DSCAM: variants seen among roughly 807,000 people sequenced by gnomAD.
The protein encoded by DSCAM is cell adhesion molecule DSCAM.
In DSCAM, 47 loss-of-function variants were observed where a neutral mutation model predicts 217.7. That is an observed-to-expected ratio of 0.22 (90% confidence interval 0.17 to 0.28). The LOEUF (loss-of-function observed/expected upper bound fraction) is 0.28, where lower values mean the gene tolerates loss of function less well. Ranked by LOEUF, DSCAM falls within the 10% of genes least tolerant of loss-of-function variation. The probability of loss-of-function intolerance (pLI) is 1.00; values close to 1 mark genes in which losing one functional copy is unlikely to be tolerated. For missense variants in DSCAM, 2,080 were observed against 2,618.3 expected, an observed-to-expected ratio of 0.79 and a Z score of 4.49; for synonymous variants, 1,056 against 1,015.3, an observed-to-expected ratio of 1.04 and a Z score of -0.76.
chr21:40,756,211 A>G (rs1601218809), intron 1 of DSCAM, among the ~76,000 whole-genome samples: 1 of 150,926 alleles, frequency 6.6e-6, no homozygotes, highest in African/African-American at 2.4e-5. Context: ...AGTTTGTGGC[A>G]CCTCCCCCCT....
chr21:40,632,236 T>G (rs1345792120), intron 3 of DSCAM, among the ~76,000 whole-genome samples: 3 of 151,652 alleles, frequency 2.0e-5, no homozygotes, highest in Non-Finnish European at 4.4e-5. Flanking sequence ...CCAAGACAAA[T>G]CCAGCTATTG....
At chr21:40,772,894 C>A (rs1238379448) in intron 1 of DSCAM, among the ~76,000 whole-genome samples, 2 of 152,214 alleles carry the variant, frequency 1.3e-5, no homozygotes, top group Non-Finnish European at 2.9e-5. Context: ...TGGACCCTGT[C>A]CCGGAGAGCT....
intron 2 of DSCAM, among the ~76,000 whole-genome samples, chr21:40,693,925 C>T (rs772643215): frequency 3.3e-5 from 5 of 152,120 alleles, no homozygotes; most frequent in Non-Finnish European, 7.4e-5. Flanking sequence ...CAAGCTCGGC[C>T]ACTCCCTGAC....
At chr21:40,364,709 C>T (rs1301646331) in intron 4 of DSCAM, among the ~76,000 whole-genome samples, 2 of 135,544 alleles carry the variant, frequency 1.5e-5, no homozygotes, top group East Asian at 2.2e-4. Context: ...TATATATATA[C>T]ACACACAGTA....
intron 3 of DSCAM, among the ~76,000 whole-genome samples, chr21:40,432,226 A>G (rs1453360597): frequency 6.8e-6 from 1 of 147,890 alleles, no homozygotes; most frequent in Non-Finnish European, 1.5e-5. Flanking sequence ...AAATATATAA[A>G]TAAATAAATA....
chr21:40,247,005 G>C (rs2073235273), intron 11 of DSCAM, among the ~76,000 whole-genome samples: 1 of 152,156 alleles, frequency 6.6e-6, no homozygotes, highest in South Asian at 2.1e-4. Context: ...TTCTTACATG[G>C]TGGCAGCAAG....
intron 11 of DSCAM, among the ~76,000 whole-genome samples, chr21:40,201,547 T>A (rs1688931458): frequency 6.6e-6 from 1 of 152,148 alleles, no homozygotes; most frequent in Admixed American, 6.5e-5. Flanking sequence ...GTTCAAGCAA[T>A]TCTCCTGCCT....
At chr21:40,620,371 AAAG>A (rs1176105108) in intron 3 of DSCAM, among the ~76,000 whole-genome samples, 1 of 90,992 alleles carries the variant, frequency 1.1e-5, no homozygotes, top group Admixed American at 1.0e-4. Context: ...AAAGAAAAAG[AAAG>A]AAAGAAAGAA....
intron 3 of DSCAM, among the ~76,000 whole-genome samples, chr21:40,640,891 A>G (rs1053503483): frequency 1.3e-5 from 2 of 152,176 alleles, no homozygotes; most frequent in African/African-American, 4.8e-5. Flanking sequence ...GATGTCAGAT[A>G]AGCCTCAGAA....
chr21:40,818,350 T>G (rs764104585), intron 1 of DSCAM, among the ~76,000 whole-genome samples: 1 of 151,028 alleles, frequency 6.6e-6, no homozygotes, highest in Non-Finnish European at 1.5e-5. Flanking sequence ...AATGAGACCA[T>G]CCTGGCTAAC....
chr21:40,638,049 A>C (rs1384939806), intron 3 of DSCAM, among the ~76,000 whole-genome samples: 1 of 152,082 alleles, frequency 6.6e-6, no homozygotes, highest in Non-Finnish European at 1.5e-5. Flanking sequence ...TTTTAGGCAA[A>C]AGTAGCTATA....
At chr21:40,508,757 ATATATATATATATATATATATATATAT>A (rs1374741136) in intron 3 of DSCAM, among the ~76,000 whole-genome samples, 2,207 of 9,464 alleles carry the variant, frequency 0.23, 214 homozygotes, top group Non-Finnish European at 0.26. Context: ...ATATATATAT[ATATATATATATATATATATATATATAT>A]TTTTTTTTTT....
intron 28 of DSCAM, among the ~76,000 whole-genome samples, chr21:40,058,766 C>T (rs1189391739): frequency 3.9e-5 from 6 of 152,132 alleles, no homozygotes; most frequent in Non-Finnish European, 8.8e-5. Flanking sequence ...AAAATGATAA[C>T]AATTGGTCAT....
At chr21:40,312,733 C>A (rs568949219) in intron 8 of DSCAM, among the ~76,000 whole-genome samples, 1 of 152,152 alleles carries the variant, frequency 6.6e-6, no homozygotes, top group South Asian at 2.1e-4. Flanking sequence ...TCCTACTTTG[C>A]GACTATGACA....
intron 3 of DSCAM, among the ~76,000 whole-genome samples, chr21:40,666,984 A>C (rs1310473015): frequency 6.6e-6 from 1 of 152,210 alleles, no homozygotes; most frequent in Non-Finnish European, 1.5e-5. Flanking sequence ...CCAAGCTCCT[A>C]GAGAAGCCTT....
intron 3 of DSCAM, among the ~76,000 whole-genome samples, chr21:40,518,607 T>A (rs537768401): frequency 9.1e-6 from 1 of 109,554 alleles, no homozygotes; most frequent in South Asian, 2.7e-4. Context: ...CATATATACA[T>A]ACACACACAT....
chr21:40,329,399 A>T (rs1019577451), intron 8 of DSCAM, among the ~76,000 whole-genome samples: 5 of 152,132 alleles, frequency 3.3e-5, no homozygotes, highest in African/African-American at 1.2e-4. Flanking sequence ...GCAGATCACG[A>T]GGTCAAGAGA....
At chr21:40,670,758 C>A (rs1017084119) in intron 3 of DSCAM, among the ~76,000 whole-genome samples, 1 of 152,156 alleles carries the variant, frequency 6.6e-6, no homozygotes, top group African/African-American at 2.4e-5. Context: ...TGGGCTGTTC[C>A]TATCTTTTGG....
intron 3 of DSCAM, among the ~76,000 whole-genome samples, chr21:40,449,801 T>C (rs965353211): frequency 6.6e-6 from 1 of 152,186 alleles, no homozygotes; most frequent in African/African-American, 2.4e-5. Context: ...AATTTCTTAA[T>C]AAAGATTAGG....
Sources: allele counts gnomAD v4.1 joint callset (sites outside exome capture counted in the v4.1 genomes callset), GRCh38; gene constraint gnomAD v4.1.1; transcripts MANE v1.5; gene names NCBI Gene and HGNC (gene_info 2026-07-23, HGNC 2026-07-21).